The following CNRIP1 variants were observed in gnomAD, a reference collection of about 807,000 sequenced individuals.
CNRIP1 encodes cannabinoid receptor interacting protein 1.
In CNRIP1, 10 loss-of-function variants were observed where a neutral mutation model predicts 15.2. The ratio of observed to expected loss-of-function variants is 0.66; its 90% CI spans 0.41 to 1.12. The LOEUF (loss-of-function observed/expected upper bound fraction) is 1.12. Among genes scored for constraint, CNRIP1 ranks in the 50% most tolerant of loss-of-function variants. CNRIP1 has a pLI of 0.00. For synonymous variants in CNRIP1, 91 were observed against 83.2 expected (o/e 1.09, Z -0.51); for missense variants, 211 against 214.7 (o/e 0.98, Z 0.11).
chr2:68,284,810 CAAA>C (rs146572383), intron 2 of CNRIP1, among the ~76,000 whole-genome samples: 5 of 73,790 alleles, frequency 6.8e-5, no homozygotes, highest in African/African-American at 4.3e-5. Flanking sequence ...GACTCTGTCT[CAAA>C]AAAAAAAAAA....
At chr2:68,307,906 C>A (rs1671917665) in intron 2 of CNRIP1, among the ~76,000 whole-genome samples, 1 of 151,980 alleles carries the variant, frequency 6.6e-6, no homozygotes, top group Admixed American at 6.6e-5. Context: ...AAAATGATAT[C>A]ATTGGGCCAG....
chr2:68,300,675 G>C (rs932636625), intron 2 of CNRIP1, among the ~76,000 whole-genome samples: 15 of 151,786 alleles, frequency 9.9e-5, no homozygotes, highest in African/African-American at 3.6e-4. Context: ...AATTAGAAAA[G>C]AAAGACTATA....
intron 2 of CNRIP1, among the ~76,000 whole-genome samples, chr2:68,300,442 C>T (rs1671562293): frequency 1.3e-5 from 2 of 152,062 alleles, no homozygotes. Flanking sequence ...GATTGTGAAA[C>T]CCCATCTCTA....
Position 68,319,291 on chromosome 2 carries a change from G to T in CNRIP1, c.110C>A (p.Thr37Asn). The stretch of plus-strand genomic sequence containing the variant: ...GGAGGAGCCGGTGAGCAGCTTGATG[G>T]TGCGGTTCTGGCCGAAGCGCTGCCC... Reference protein sequence around the residue: ...VDGQRFGQNRTIKLLTGSSYK... With the variant: ...VDGQRFGQNRNIKLLTGSSYK... The change falls in exon 1 of 3, where the codon ACC becomes AAC. Residue 37 changes from threonine to asparagine, a missense_variant. Coordinates refer to ENST00000263655, the MANE Select transcript of CNRIP1 (RefSeq NM_015463.3). 6.4e-7 allele frequency: 1 copy of T among 1,552,630 alleles called. No homozygotes were observed. The highest frequency in any genetic ancestry group is 8.7e-7 in the Non-Finnish European group (1 of 1,147,956).
Position 68,317,172 on chromosome 2 carries a change from G to T in CNRIP1, c.315C>A (p.Ile105=), listed in dbSNP as rs199702930. ...TPTKSGERQP[I]QITMPFTDIG... is the part of the protein sequence containing the mutation. ...CAAGCCTTACCGGCATGGTGATCTGGATGGGTTGCCGTTCTCCACTCTTCG... is the reference window on the plus strand; with the variant it reads ...CAAGCCTTACCGGCATGGTGATCTGTATGGGTTGCCGTTCTCCACTCTTCG... Residue 105 remains isoleucine, a synonymous_variant, in exon 2 of 3, where the codon ATC becomes ATA. Coordinates refer to ENST00000263655, the MANE Select transcript of CNRIP1 (RefSeq NM_015463.3). The T allele has an allele frequency of 6.8e-6, 11 of 1,614,154 alleles. No homozygotes were observed. In the African/African-American group the frequency reaches 1.3e-4, roughly 20 times the overall value.
chr2:68,292,723 C>T (rs1165572490), downstream of CNRIP1, among the ~76,000 whole-genome samples: 1 of 152,176 alleles, frequency 6.6e-6, no homozygotes, highest in East Asian at 1.9e-4. Context: ...TACTGAGTCA[C>T]ATAGCTCACC....
downstream of CNRIP1, among the ~76,000 whole-genome samples, chr2:68,292,234 C>CA (rs1293128718): frequency 5.3e-5 from 8 of 151,598 alleles, no homozygotes; most frequent in Non-Finnish European, 8.8e-5. Flanking sequence ...TAAAAAAAAA[C>CA]AAAAAAACAA....
chr2:68,308,969 TCA>T (rs983719113), intron 2 of CNRIP1, among the ~76,000 whole-genome samples: 2 of 152,042 alleles, frequency 1.3e-5, no homozygotes, highest in South Asian at 2.1e-4. Context: ...AGAAATATTC[TCA>T]GTTTCCCAGA....
Position 68,319,299 on chromosome 2 carries a change from C to G in CNRIP1, c.102G>C (p.Gln34His). ...CGGTGAGCAGCTTGATGGTGCGGTT[C>G]TGGCCGAAGCGCTGCCCGTCCACCT... The part of the protein sequence containing the change: ...FYKVDGQRFG[Q>H]NRTIKLLTGS... Residue 34 changes from glutamine to histidine, a missense_variant, in exon 1 of 3, where the codon CAG becomes CAC. Gln to His is a conservative substitution (Grantham distance 24). Transcript: ENST00000263655. 3 of 1,553,548 alleles carry G rather than the reference C, an allele frequency of 1.9e-6. No homozygotes were observed. The highest frequency in any genetic ancestry group is 2.6e-6 in the Non-Finnish European group (3 of 1,148,404).
At chr2:68,296,088 A>G (rs1421486559) in intron 2 of CNRIP1, among the ~76,000 whole-genome samples, 1 of 152,248 alleles carries the variant, frequency 6.6e-6, no homozygotes. Flanking sequence ...AGTTTAGAGT[A>G]GTAAACAATG....
rs775174763 is a variant in CNRIP1, at chr2:68,293,865, G to C, written c.492C>G (p.Leu164=). The part of the protein sequence containing the change: ...SLMWVNKESF[L] Reference sequence around the variant, plus strand: ...GTAGCATCAGAAAGAGCCACTTTCAGAGGAAGGACTCCTTGTTCACCCACA... The same window carrying C: ...GTAGCATCAGAAAGAGCCACTTTCACAGGAAGGACTCCTTGTTCACCCACA... Residue 164 remains leucine, a synonymous_variant, in exon 3 of 3, where the codon CTC becomes CTG. Coordinates refer to ENST00000263655, the MANE Select transcript of CNRIP1 (RefSeq NM_015463.3). 3 of 1,613,044 alleles carry C rather than the reference G, an allele frequency of 1.9e-6. No homozygotes were observed. In the East Asian group the frequency reaches 6.7e-5, roughly 36 times the overall value.
chr2:68,310,052 G>T (rs1558667876), intron 2 of CNRIP1, among the ~76,000 whole-genome samples: 2 of 152,300 alleles, frequency 1.3e-5, no homozygotes, highest in East Asian at 3.9e-4. Context: ...GATTGGCCAG[G>T]CACGGTGGCT....
chr2:68,312,618 T>C (rs1036163369), intron 2 of CNRIP1, among the ~76,000 whole-genome samples: 1 of 152,096 alleles, frequency 6.6e-6, no homozygotes, highest in African/African-American at 2.4e-5. Flanking sequence ...CCATTGCAAT[T>C]AGGCCATAAA....
At chr2:68,291,531 C>T (rs1671168357), downstream of CNRIP1, among the ~76,000 whole-genome samples, 1 of 151,774 alleles carries the variant, frequency 6.6e-6, no homozygotes, top group Non-Finnish European at 1.5e-5. Flanking sequence ...ATGTTTCCTC[C>T]AAGTCTGCTT....
At chr2:68,289,190 T>A (rs1671102291), downstream of CNRIP1, among the ~76,000 whole-genome samples, 1 of 152,204 alleles carries the variant, frequency 6.6e-6, no homozygotes, top group Non-Finnish European at 1.5e-5. Context: ...AGTTTTCTGA[T>A]TCTGTCTTGA....
At chr2:68,305,185 G>T (rs1405900656) in intron 2 of CNRIP1, among the ~76,000 whole-genome samples, 1 of 149,202 alleles carries the variant, frequency 6.7e-6, no homozygotes, top group African/African-American at 2.5e-5. Context: ...CAGAGGTTGC[G>T]GTGAGCCGAG....
At chr2:68,300,941 T>C (rs925596153) in intron 2 of CNRIP1, among the ~76,000 whole-genome samples, 1 of 152,196 alleles carries the variant, frequency 6.6e-6, no homozygotes, top group Non-Finnish European at 1.5e-5. Flanking sequence ...TAAAAATCTC[T>C]CAGGCCCAAA....
downstream of CNRIP1, among the ~76,000 whole-genome samples, chr2:68,289,315 A>G (rs1384100431): frequency 2.0e-5 from 3 of 152,188 alleles, no homozygotes; most frequent in Non-Finnish European, 2.9e-5. Flanking sequence ...TTTTTAAATA[A>G]TTAAAAATTT....
Position 68,319,736 on chromosome 2 carries a change from C to T in CNRIP1, c.-336G>A, listed in dbSNP as rs2103704407. 1 of 283,546 alleles carries T rather than the reference C, an allele frequency of 3.5e-6. No homozygotes were observed. The highest frequency in any genetic ancestry group is 6.7e-6 in the Non-Finnish European group (1 of 149,194). 17.6% of individuals were successfully genotyped at this position (283,546 alleles called of 1,614,324 possible). A position where few individuals can be genotyped will look rare whatever the true frequency, so the allele number is the denominator to read the frequency against. ...CCGCAGGCCGCCGCGCAGATCCGCG[C>T]AGCTGGGGGCGAGGGAGTTAATCCT... On this transcript the variant is annotated 5_prime_UTR_variant, in exon 1 of 3. Coordinates refer to ENST00000263655, the MANE Select transcript of CNRIP1 (RefSeq NM_015463.3).
Sources: allele counts gnomAD v4.1 joint callset (sites outside exome capture counted in the v4.1 genomes callset), GRCh38; gene constraint gnomAD v4.1.1; transcripts MANE v1.5; gene names NCBI Gene and HGNC (gene_info 2026-07-23, HGNC 2026-07-21).